KLC3: variants seen among roughly 807,000 people sequenced by gnomAD.
KLC3 encodes kinesin light chain 3, also known as kinesin light chain 2.
A neutral mutation model predicts 62.9 loss-of-function variants in KLC3; 72 were observed. The ratio of observed to expected loss-of-function variants is 1.15; its 90% confidence interval spans 0.95 to 1.39. The LOEUF is 1.39. KLC3 is among the 40% of genes most tolerant of loss of function. KLC3 has a pLI of 0.00. For missense variants in KLC3, 848 were observed against 691.6 expected (o/e 1.23, Z -2.54); for synonymous variants, 377 against 300.5 (o/e 1.25, Z -2.63).
At chr19:45,343,395 C>T (rs755841921) in intron 1 of KLC3, among the ~76,000 whole-genome samples, 3 of 151,930 alleles carry the variant, frequency 2.0e-5, no homozygotes, top group Non-Finnish European at 4.4e-5. Context: ...AGTGTGGTGG[C>T]GTGATCTTGG....
At chr19:45,349,064 C>T in intron 7 of KLC3, 143 bp downstream of exon 7, 2 of 719,554 alleles carry the variant, frequency 2.8e-6, no homozygotes, top group Admixed American at 2.6e-5. Context: ...CTAGATCACC[C>T]AACCCATCAC....
In KLC3 at chr19:45,349,545, C is replaced by G; in HGVS notation, c.1086C>G (p.Ile362Met). Residue 362 changes from isoleucine to methionine, a missense_variant, in exon 8 of 13, where the codon ATC becomes ATG. Coordinates refer to ENST00000391946, the MANE Select transcript of KLC3 (RefSeq NM_177417.3). The part of the protein sequence containing the change: ...VERHYARALS[I>M]YEALGGPHDP... ...GGCACTATGCCCGGGCCCTGAGCATCTATGAGGCACTGGGCGGGCCCCATG... is the reference window on the plus strand; with the variant it reads ...GGCACTATGCCCGGGCCCTGAGCATGTATGAGGCACTGGGCGGGCCCCATG... 6.2e-7 allele frequency: 1 copy of G among 1,613,948 alleles called. No homozygotes were observed. The highest frequency in any genetic ancestry group is 8.5e-7 in the Non-Finnish European group (1 of 1,179,936).
rs753059267 is a variant in KLC3 at position 45,345,601 on chromosome 19, T to G, written c.60T>G (p.Pro20=). The G allele has an allele frequency of 6.3e-7, 1 of 1,576,340 alleles. No individual in the cohort carries two copies. Among genetic ancestry groups the G allele is most frequent in the East Asian group, 2.3e-5 (1 of 43,084 alleles). Residue 20 remains proline, a synonymous_variant, in exon 2 of 13, where the codon CCT becomes CCG. Coordinates refer to ENST00000391946, the MANE Select transcript of KLC3 (RefSeq NM_177417.3). Reference sequence around the variant, plus strand: ...GGCTGGGCCCAGAGCGCCTGAGCCCTGAGGAGCTGGTGCGGCAGACGCGGC... The same window carrying G: ...GGCTGGGCCCAGAGCGCCTGAGCCCGGAGGAGCTGGTGCGGCAGACGCGGC... ...SAGLGPERLS[P]EELVRQTRQV...
At position 45,351,471 on chromosome 19, in the gene KLC3, GT is replaced by G; in HGVS notation, c.*115del. The stretch of plus-strand genomic sequence containing the variant: ...GCCCCCCCTTGCCTCTGGGTACCTG[GT>G]GGATAGCTGCCTTCTCCTGCGATTA... On this transcript the variant is annotated 3_prime_UTR_variant, in exon 13 of 13. Transcript: ENST00000391946. 6.3e-7 allele frequency: 1 copy of G among 1,585,276 alleles called. No individual in the cohort carries two copies. Among genetic ancestry groups the G allele is most frequent in the East Asian group, 2.2e-5 (1 of 44,678 alleles).
At position 45,350,563 on chromosome 19, in the gene KLC3, C is replaced by T. The variant is rs983882094; in HGVS notation, c.1272+12C>T. The T allele has an allele frequency of 9.9e-6, 16 of 1,613,882 alleles. No individual in the cohort carries two copies. Among genetic ancestry groups the T allele is most frequent in the African/African-American group, 9.4e-5 (7 of 74,866 alleles). On this transcript the variant is annotated intron_variant, in intron 10 of 12. Transcript: ENST00000391946. Reference sequence around the variant, plus strand: ...GTGACGCAGAACAGGTGAGGATGGGCTGTGCTTCGGCTCCTGGGGTGGGCG... The same window carrying T: ...GTGACGCAGAACAGGTGAGGATGGGTTGTGCTTCGGCTCCTGGGGTGGGCG...
chr19:45,347,598 T>G, intron 4 of KLC3, 82 bp downstream of exon 4: 11 of 1,294,116 alleles, frequency 8.5e-6, no homozygotes, highest in Non-Finnish European at 1.2e-5. Context: ...CCAAAATCTC[T>G]GAGCCAGGGG....
In KLC3 at chr19:45,348,132, A is replaced by C; in HGVS notation, c.751A>C (p.Met251Leu). Reference sequence around the variant, plus strand: ...CCACTGCCACCCTGACGTGGCCACCATGCTCAACATCCTGGCGCTGGTGTA... The same window carrying C: ...CCACTGCCACCCTGACGTGGCCACCCTGCTCAACATCCTGGCGCTGGTGTA... ...SGHCHPDVAT[M>L]LNILALVYRD... Residue 251 changes from methionine (M) to leucine (L), a missense_variant, in exon 5 of 13, where the codon ATG (methionine) becomes CTG (leucine). Coordinates refer to ENST00000391946, the MANE Select transcript of KLC3 (RefSeq NM_177417.3). 1.9e-6 allele frequency: 3 copies of C among 1,598,542 alleles called. No homozygotes were observed. In the South Asian group the frequency reaches 3.4e-5, roughly 18 times the overall value.
chr19:45,350,575 TCCTGGGGTGGGCGTGGGGACTGCATGGG>T (rs1971690849), intron 10 of KLC3, 24 bp downstream of exon 10: 2 of 1,613,572 alleles, frequency 1.2e-6, no homozygotes, highest in Non-Finnish European at 1.7e-6. Flanking sequence ...GTGCTTCGGC[TCCTGGGGTGGGCGTGGGGACTGCATGGG>T]CCTGGGGGAC....
Position 45,349,992 on chromosome 19 carries a change from A to G in KLC3, c.1144-349A>G, listed in dbSNP as rs112903737. On this transcript the variant is annotated intron_variant, in intron 8 of 12. Transcript: ENST00000391946. The stretch of plus-strand genomic sequence containing the variant: ...GGCACCGAGGCCATGCCACCAGCCC[A>G]AAGTACAGCAGACAGGCTCAGAAAC... 7.0e-5 allele frequency: 30 copies of G among 430,544 alleles called. 2 individuals carry two copies. The highest frequency in any genetic ancestry group is 4.5e-4 in the African/African-American group (23 of 50,648). The allele number at this position is 430,544 out of a possible 1,614,324, so 26.7% of individuals were successfully genotyped here.
At chr19:45,350,472 T>G in intron 9 of KLC3, 41 bp downstream of exon 9, 2 of 1,612,898 alleles carry the variant, frequency 1.2e-6, no homozygotes, top group Non-Finnish European at 1.7e-6. Flanking sequence ...CCTGGTGGCT[T>G]CTCTATGTCC....
At chr19:45,350,475 CTA>C (rs761167450) in intron 9 of KLC3, 37 bp from the exon 10 acceptor site, 7 of 1,613,510 alleles carry the variant, frequency 4.3e-6, no homozygotes, top group Admixed American at 3.3e-5. Flanking sequence ...GGTGGCTTCT[CTA>C]TGTCCCCATC....
chr19:45,351,218 G>C, intron 12 of KLC3, 68 bp from the exon 13 acceptor site: 1 of 1,591,072 alleles, frequency 6.3e-7, no homozygotes, highest in Non-Finnish European at 8.6e-7. Flanking sequence ...GCTGGACCTG[G>C]AGCTGGAGGG....
At chr19:45,349,687 A>T in intron 8 of KLC3, 85 bp downstream of exon 8, 1 of 719,012 alleles carries the variant, frequency 1.4e-6, no homozygotes, top group Non-Finnish European at 1.9e-6. Flanking sequence ...AGGGTGAGCA[A>T]CGTGAGGGTG....
chr19:45,348,534 C>T (rs1971567980), intron 5 of KLC3, 112 bp from the exon 6 acceptor site: 3 of 1,007,408 alleles, frequency 3.0e-6, no homozygotes, highest in South Asian at 2.9e-5. Context: ...GTGTGCCACC[C>T]ATGCTTGGTT....
Position 45,349,335 on chromosome 19 carries a change from T to A in KLC3, c.970-94T>A, listed in dbSNP as rs1012291777. 4 of 1,316,362 alleles carry A rather than the reference T, an allele frequency of 3.0e-6. No individual in the cohort carries two copies. The African/African-American group carries it at 5.9e-5, about 19-fold the overall frequency. The allele number at this position is 1,316,362 out of a possible 1,614,324, so 81.5% of individuals were successfully genotyped here. On this transcript the variant is annotated intron_variant, in intron 7 of 12. Coordinates refer to ENST00000391946, the MANE Select transcript of KLC3 (RefSeq NM_177417.3). ...CTCAGGTCACTCTCTGCTTTGACCC[T>A]GTAATCCCCAACTCATGACCACCAT...
At chr19:45,349,766 C>A in intron 8 of KLC3, 164 bp downstream of exon 8, 1 of 659,912 alleles carries the variant, frequency 1.5e-6, no homozygotes, top group South Asian at 2.2e-5. Flanking sequence ...GCACAGAACA[C>A]GGAATCAGGA....
chr19:45,348,750 G>T lies in KLC3; in HGVS notation c.867+17G>T. On this transcript the variant is annotated intron_variant, in intron 6 of 12. Transcript: ENST00000391946. ...CACCCCGCGGTGAGTGGGGCCCCAG[G>T]GAGACGAAGTGGGGTCAAAGTGGGG... 1 of 1,572,756 alleles carries T rather than the reference G, an allele frequency of 6.4e-7. No homozygotes were observed. The highest frequency in any genetic ancestry group is 8.6e-7 in the Non-Finnish European group (1 of 1,158,986).
In KLC3 at chr19:45,350,757, GA is replaced by G. The variant is rs1382261412; in HGVS notation, c.1379+11del. 6 of 1,603,466 alleles carry G rather than the reference GA, an allele frequency of 3.7e-6. No individual in the cohort carries two copies. The African/African-American group carries it at 8.0e-5, about 21-fold the overall frequency. On this transcript the variant is annotated intron_variant, in intron 11 of 12. Transcript: ENST00000391946. ...CGGCAGGAGCAGCCGGGTGAGTGTT[GA>G]TCAGGTCGGCAAAGAGCCCTGACAT...
At position 45,347,943 on chromosome 19, in the gene KLC3, C is replaced by A; in HGVS notation, c.562C>A (p.Pro188Thr). 1.9e-6 allele frequency: 3 copies of A among 1,600,786 alleles called. No individual in the cohort carries two copies. The South Asian group carries it at 3.4e-5, about 18-fold the overall frequency. The change falls in exon 5 of 13, where the codon CCT becomes ACT. Residue 188 changes from proline (P) to threonine (T), a missense_variant and splice_region_variant. Pro to Thr is a conservative substitution (Grantham distance 38). Transcript: ENST00000391946. ...AGAGCCCACCCCACCCCACCTAGGTCCTGAGGCCGCAGGAGCAGCAGCTGC... is the reference window on the plus strand; with the variant it reads ...AGAGCCCACCCCACCCCACCTAGGTACTGAGGCCGCAGGAGCAGCAGCTGC... ...FPSEEEERKGPEAAGAAAAQQ... is the reference protein window; with the variant it reads ...FPSEEEERKGTEAAGAAAAQQ...
Sources: allele counts gnomAD v4.1 joint callset (sites outside exome capture counted in the v4.1 genomes callset), GRCh38; gene constraint gnomAD v4.1.1; transcripts MANE v1.5; gene names NCBI Gene and HGNC (gene_info 2026-07-23, HGNC 2026-07-21).